Variants in TEX14 observed in about 807,000 individuals in gnomAD.
TEX14 encodes testis expressed 14, intercellular bridge forming factor.
Under a neutral mutation model 178.6 loss-of-function variants are expected in TEX14, and 168 were observed. The ratio of observed to expected loss-of-function variants is 0.94; its 90% CI spans 0.83 to 1.07. The LOEUF is 1.07. Ranked by LOEUF, TEX14 falls within the 50% of genes least tolerant of loss-of-function variation. The pLI is 0.00. For synonymous variants in TEX14, 626 were observed against 634.1 expected, an observed-to-expected ratio of 0.99 and a Z score of 0.19; for missense variants, 1,730 against 1,753.6, an observed-to-expected ratio of 0.99 and a Z score of 0.24.
In TEX14 at chr17:58,623,784, AAGG is replaced by A. The variant is rs201866509; in HGVS notation, c.252-775_252-773del. ...GGAGAAGAAGGAGGAGGAGGAGAAG[AAGG>A]AGAAGATGAAGAAGAGGAGGAGGGG... On this transcript the variant is annotated intron_variant, in intron 3 of 31. Coordinates refer to ENST00000349033, the MANE Select transcript of TEX14 (RefSeq NM_031272.5). Among the ~76,000 whole-genome samples, 47 of 142,636 alleles carry A rather than the reference AAGG, an allele frequency of 3.3e-4. 4 individuals are homozygous for A. In the East Asian group the frequency reaches 0.011, roughly 32 times the overall value. 93.6% of individuals were successfully genotyped at this position (142,636 alleles called of 152,430 possible). A position where few individuals can be genotyped will look rare whatever the true frequency, so the allele number is the denominator to read the frequency against.
intron 19 of TEX14, among the ~76,000 whole-genome samples, chr17:58,581,927 C>A (rs1475223138): frequency 1.3e-5 from 2 of 152,136 alleles, no homozygotes; most frequent in Non-Finnish European, 2.9e-5. Context: ...TGTTAACTGA[C>A]TGGAATAGCA....
intron 26 of TEX14, among the ~76,000 whole-genome samples, chr17:58,566,231 G>A (rs2044394858): frequency 6.6e-6 from 1 of 152,200 alleles, no homozygotes; most frequent in South Asian, 2.1e-4. Flanking sequence ...CAGGATGAAT[G>A]TTCACAATTA....
intron 2 of TEX14, among the ~76,000 whole-genome samples, chr17:58,640,612 A>AGTGTGTGTGTGTGTGTGT (rs33931543): frequency 1.1e-4 from 16 of 143,956 alleles, no homozygotes; most frequent in South Asian, 6.8e-4. Context: ...CTTACCTTCT[A>AGTGTGTGTGTGTGTGTGT]GTGTGTGTGT....
intron 19 of TEX14, 41 bp from the exon 20 acceptor site, chr17:58,579,772 T>C (rs759948236): frequency 6.8e-7 from 1 of 1,478,188 alleles, no homozygotes; most frequent in Non-Finnish European, 9.4e-7. Context: ...GGAGGTTCAC[T>C]GGAGGCAGAC....
At chr17:58,632,697 G>C (rs1330382305) in intron 2 of TEX14, among the ~76,000 whole-genome samples, 1 of 152,172 alleles carries the variant, frequency 6.6e-6, no homozygotes, top group Non-Finnish European at 1.5e-5. Flanking sequence ...CACGATAAGC[G>C]AACAGAATGT....
intron 28 of TEX14, among the ~76,000 whole-genome samples, chr17:58,564,599 G>C (rs1251511270): frequency 6.6e-6 from 1 of 152,168 alleles, no homozygotes; most frequent in Non-Finnish European, 1.5e-5. Flanking sequence ...GCACAACAAT[G>C]TGAATATACT....
Position 58,557,844 on chromosome 17 carries a change from A to G in TEX14, c.4274T>C (p.Leu1425Pro). 1 of 1,612,016 alleles carries G rather than the reference A, an allele frequency of 6.2e-7. No homozygotes were observed. Among genetic ancestry groups the G allele is most frequent in the Non-Finnish European group, 8.5e-7 (1 of 1,178,794 alleles). Residue 1425 changes from leucine to proline, a missense_variant, in exon 31 of 32, where the codon CTA (leucine) becomes CCA (proline). Leu to Pro is a moderately conservative substitution (Grantham distance 98, BLOSUM62 -3). Around this residue, in one of 2 missense-constraint regions of TEX14, gnomAD observed 941 missense variants for 1,072.4 expected, o/e 0.88. Coordinates refer to ENST00000349033, the MANE Select transcript of TEX14 (RefSeq NM_031272.5). The part of the protein sequence containing the change: ...GVLGTSEEDE[L>P]KSCFWKRLGW... The stretch of plus-strand genomic sequence containing the variant: ...TAGTCGCTTCCAAAAACAGGATTTT[A>G]GTTCATCTTGATGAAATATAAGAGG...
At chr17:58,587,772 G>A (rs922356570) in intron 16 of TEX14, 106 bp from the exon 17 acceptor site, 29 of 1,149,832 alleles carry the variant, frequency 2.5e-5, no homozygotes, top group Non-Finnish European at 3.6e-5. Flanking sequence ...CCATCCAGAG[G>A]ACCTGTTCCC....
intron 1 of TEX14, among the ~76,000 whole-genome samples, chr17:58,689,726 T>C (rs899441350): frequency 6.6e-6 from 1 of 152,210 alleles, no homozygotes; most frequent in African/African-American, 2.4e-5. Flanking sequence ...CTTTGTTTAG[T>C]TCCTAGTGCG....
intron 22 of TEX14, among the ~76,000 whole-genome samples, chr17:58,573,513 A>C (rs1433028694): frequency 6.6e-6 from 1 of 152,192 alleles, no homozygotes; most frequent in Non-Finnish European, 1.5e-5. Flanking sequence ...CTTTATTACC[A>C]AAGAGACTTT....
intron 31 of TEX14, 75 bp from the exon 32 acceptor site, chr17:58,557,122 C>A: frequency 1.7e-6 from 2 of 1,158,632 alleles, no homozygotes; most frequent in Non-Finnish European, 2.6e-6. Context: ...ACACAAACCA[C>A]ATCCTCTTTC....
chr17:58,682,890 A>G (rs2047523871), intron 1 of TEX14, among the ~76,000 whole-genome samples: 1 of 151,954 alleles, frequency 6.6e-6, no homozygotes, highest in Non-Finnish European at 1.5e-5. Context: ...TGCATACCTT[A>G]ATATCCTTTG....
intron 28 of TEX14, among the ~76,000 whole-genome samples, 162 bp downstream of exon 28, chr17:58,564,707 C>T (rs2044359814): frequency 6.6e-6 from 1 of 151,980 alleles, no homozygotes; most frequent in Non-Finnish European, 1.5e-5. Flanking sequence ...GCAAAAAAAG[C>T]AACGCTTTTT....
intron 16 of TEX14, 38 bp downstream of exon 16, chr17:58,587,858 C>CCCCCCCCCCCCCCGGT: frequency 8.0e-7 from 1 of 1,256,398 alleles, no homozygotes. Flanking sequence ...CCCCCACCCC[C>CCCCCCCCCCCCCCGGT]GCTCCACCAC....
At chr17:58,591,065 G>A (rs1028691005) in intron 15 of TEX14, among the ~76,000 whole-genome samples, 7 of 152,098 alleles carry the variant, frequency 4.6e-5, no homozygotes, top group African/African-American at 1.4e-4. Flanking sequence ...TGAGGGAAGA[G>A]GGTGCCGAGC....
chr17:58,660,884 C>T (rs1349670254), intron 1 of TEX14: 3 of 810,260 alleles, frequency 3.7e-6, no homozygotes, highest in African/African-American at 3.3e-5. Flanking sequence ...CATTGGAGGC[C>T]TCTTCTGGTG....
rs1251855630 is a variant in TEX14, at chr17:58,565,895, G to C, written c.3887-71C>G. 4 of 1,226,460 alleles carry C rather than the reference G, an allele frequency of 3.3e-6. No homozygotes were observed. The African/African-American group carries it at 6.0e-5, about 18-fold the overall frequency. The allele number at this position is 1,226,460 out of a possible 1,614,324, so 76.0% of individuals were successfully genotyped here. ...TGTCCTGCCGTTCTCTAGAGCAGTG[G>C]TTCTCCAAGGGTGATCCTTAGACTT... On this transcript the variant is annotated intron_variant, in intron 26 of 31. Coordinates refer to ENST00000349033, the MANE Select transcript of TEX14 (RefSeq NM_031272.5).
intron 2 of TEX14, among the ~76,000 whole-genome samples, chr17:58,643,070 T>C (rs113021851): frequency 6.6e-6 from 1 of 152,204 alleles, no homozygotes; most frequent in African/African-American, 2.4e-5. Flanking sequence ...CCTGGCACAG[T>C]AGATGCCCAG....
intron 14 of TEX14, among the ~76,000 whole-genome samples, chr17:58,594,752 C>T (rs1388573950): frequency 6.6e-6 from 1 of 152,062 alleles, no homozygotes; most frequent in African/African-American, 2.4e-5. Flanking sequence ...GAAAATAAAA[C>T]AGAATACAAT....
Sources: allele counts gnomAD v4.1 joint callset (sites outside exome capture counted in the v4.1 genomes callset), GRCh38; gene constraint gnomAD v4.1.1; regional missense constraint gnomAD v4.1.1; transcripts MANE v1.5; gene names NCBI Gene and HGNC (gene_info 2026-07-23, HGNC 2026-07-21).